CDC42BPB: variants seen among roughly 807,000 people sequenced by gnomAD.
CDC42BPB encodes the protein CDC42 binding protein kinase beta, also known as serine/threonine-protein kinase MRCK beta.
Under a neutral mutation model 214.9 loss-of-function variants are expected in CDC42BPB, and 37 were observed. The ratio of observed to expected loss-of-function variants is 0.17; its 90% CI spans 0.13 to 0.23. The LOEUF is 0.23. Among genes scored for constraint, CDC42BPB ranks in the 10% least tolerant of loss-of-function variants. The pLI is 1.00. For missense variants in CDC42BPB, 1,694 were observed against 2,227.0 expected (o/e 0.76, Z 4.82); for synonymous variants, 931 against 884.0 (o/e 1.05, Z -0.94).
intron 11 of CDC42BPB, 132 bp from the exon 12 acceptor site, chr14:102,974,281 TACACACACACACACACACACACACACAC>T: frequency 7.6e-7 from 1 of 1,315,120 alleles, no homozygotes; most frequent in Middle Eastern, 2.9e-4. Flanking sequence ...TTTTTTTACT[TACACACACACACACACACACACACACAC>T]ACACACACAC....
chr14:102,932,625 T>A lies in CDC42BPB; in HGVS notation c.*1087A>T, dbSNP rs1029405626. 6.6e-6 allele frequency: 1 copy of A among 151,546 alleles called. No homozygotes were observed. Among genetic ancestry groups the A allele is most frequent in the South Asian group, 2.1e-4 (1 of 4,756 alleles). 9.4% of individuals were successfully genotyped at this position (151,546 alleles called of 1,614,324 possible). On this transcript the variant is annotated 3_prime_UTR_variant, in exon 37 of 37. Coordinates refer to ENST00000361246, the MANE Select transcript of CDC42BPB (RefSeq NM_006035.4). ...ACAGCCTTGCCAAGCAGCCGACCGGTGGGAGGACAGGGGAAGCCTGGCCCA... is the reference window on the plus strand; with the variant it reads ...ACAGCCTTGCCAAGCAGCCGACCGGAGGGAGGACAGGGGAAGCCTGGCCCA...
intron 5 of CDC42BPB, among the ~76,000 whole-genome samples, chr14:102,998,496 T>C (rs1894840172): frequency 6.6e-6 from 1 of 152,192 alleles, no homozygotes. Flanking sequence ...CAAGTAAAAC[T>C]AGTTTTTAAA....
Position 102,959,638 on chromosome 14 carries a change from G to A in CDC42BPB, c.2894C>T (p.Thr965Ile). ...AAAAAAACAATGACTTACTCTAAAT[G>A]TCAGGTCATGTGCAAGAGGAGCAGT... ...FNTAPLAHDL[T>I]FRTSSASEQE... The change falls in exon 21 of 37, where the codon ACA becomes ATA. Residue 965 changes from threonine (T) to isoleucine (I), a missense_variant. Thr to Ile is a moderately conservative substitution (Grantham distance 89). Transcript: ENST00000361246. 1.3e-6 allele frequency: 2 copies of A among 1,596,454 alleles called. No homozygotes were observed. The highest frequency in any genetic ancestry group is 1.7e-6 in the Non-Finnish European group (2 of 1,168,288).
chr14:102,999,827 C>A, intron 4 of CDC42BPB, 114 bp from the exon 5 acceptor site: 1 of 1,504,116 alleles, frequency 6.6e-7, no homozygotes, highest in Non-Finnish European at 8.9e-7. Flanking sequence ...TGGCTCGTGG[C>A]ATCTCAGCTG....
intron 1 of CDC42BPB, among the ~76,000 whole-genome samples, chr14:103,043,324 G>C (rs1167689752): frequency 6.6e-6 from 1 of 152,116 alleles, no homozygotes; most frequent in Non-Finnish European, 1.5e-5. Flanking sequence ...CAAAATGAGA[G>C]CTGTCCACAC....
At position 102,952,478 on chromosome 14, in the gene CDC42BPB, G is replaced by A. The variant is rs973366806; in HGVS notation, c.3172+20C>T. 1.3e-6 allele frequency: 2 copies of A among 1,539,158 alleles called. No individual in the cohort carries two copies. The highest frequency in any genetic ancestry group is 1.8e-6 in the Non-Finnish European group (2 of 1,116,040). On this transcript the variant is annotated intron_variant, in intron 24 of 36. Coordinates refer to ENST00000361246, the MANE Select transcript of CDC42BPB (RefSeq NM_006035.4). ...TGTGGGGCTGTGCACGCTGACCCCAGGAGCTGCAACGACACTCACCCTCGC... is the reference window on the plus strand; with the variant it reads ...TGTGGGGCTGTGCACGCTGACCCCAAGAGCTGCAACGACACTCACCCTCGC...
rs908218687 is a variant in CDC42BPB at position 102,943,780 on chromosome 14, G to A, written c.4408+111C>T. 1.1e-6 allele frequency: 1 copy of A among 949,524 alleles called. No individual in the cohort carries two copies. Among genetic ancestry groups the A allele is most frequent in the Non-Finnish European group, 1.6e-6 (1 of 636,164 alleles). The allele number at this position is 949,524 out of a possible 1,614,324, so 58.8% of individuals were successfully genotyped here. ...TGGGGCCCACCTCTCCCGATGCTCT[G>A]TGACTACTCAACTAAGGGACTGGAA... On this transcript the variant is annotated intron_variant, in intron 30 of 36. Transcript: ENST00000361246. This position sits in a 1 kb window ranked among gnomAD's most constrained non-coding sequence, Gnocchi z 4.6.
intron 1 of CDC42BPB, among the ~76,000 whole-genome samples, chr14:103,013,325 G>C (rs1289617397): frequency 3.0e-4 from 45 of 152,194 alleles, no homozygotes; most frequent in Admixed American, 2.9e-3. Flanking sequence ...TGTGGCGTCT[G>C]TAACAGTAAT....
At chr14:102,986,248 A>G in intron 6 of CDC42BPB, 1 of 420,034 alleles carries the variant, frequency 2.4e-6, no homozygotes, top group South Asian at 2.5e-5. Flanking sequence ...GACAACTCCC[A>G]TTCTGGAAGG....
At chr14:102,949,600 G>A (rs1297530544) in intron 26 of CDC42BPB, among the ~76,000 whole-genome samples, 165 bp downstream of exon 26, 4 of 152,156 alleles carry the variant, frequency 2.6e-5, no homozygotes, top group African/African-American at 4.8e-5. Flanking sequence ...ACGCATGTGA[G>A]CGCCTGAAGT....
At chr14:102,962,001 G>C (rs992166836) in intron 20 of CDC42BPB, among the ~76,000 whole-genome samples, 2 of 152,082 alleles carry the variant, frequency 1.3e-5, no homozygotes, top group African/African-American at 4.8e-5. Context: ...TTTTAAAAGC[G>C]GGCAAACAAT....
rs115994208 is a variant in CDC42BPB, at chr14:102,957,646, T to C, written c.2901+1985A>G. Among the ~76,000 whole-genome samples the C allele has an allele frequency of 3.0e-3, 458 of 152,276 alleles. 1 individual carries two copies. Among genetic ancestry groups the C allele is most frequent in the African/African-American group, 0.011 (441 of 41,546 alleles). ...GCCAGTTTGATAAAACAAACAAACATTTTGACAGGTGAAGGTGAACAGGTG... is the reference window on the plus strand; with the variant it reads ...GCCAGTTTGATAAAACAAACAAACACTTTGACAGGTGAAGGTGAACAGGTG... On this transcript the variant is annotated intron_variant, in intron 21 of 36. Transcript: ENST00000361246.
At chr14:102,975,833 A>G (rs1423084358) in intron 10 of CDC42BPB, 30 bp from the exon 11 acceptor site, 2 of 1,613,976 alleles carry the variant, frequency 1.2e-6, no homozygotes, top group South Asian at 1.1e-5. Context: ...CGTGAGGTGC[A>G]GCCTGGCCGC....
In CDC42BPB at chr14:102,987,095, G is replaced by A. The variant is rs77794157; in HGVS notation, c.597-515C>T. On this transcript the variant is annotated intron_variant, in intron 5 of 36. Coordinates refer to ENST00000361246, the MANE Select transcript of CDC42BPB (RefSeq NM_006035.4). ...GCTGGGGGCTGCCACACAAAGAGAC[G>A]GCAGTGGCCAGACGAGGTCCAGGAG... is the stretch of plus-strand genomic sequence containing the variant. 3.8e-3 allele frequency among the ~76,000 whole-genome samples: 572 copies of A among 152,346 alleles called. 1 individual carries two copies. The highest frequency in any genetic ancestry group is 0.013 in the African/African-American group (542 of 41,574).
chr14:102,967,019 C>T (rs199842467), intron 17 of CDC42BPB, 27 bp downstream of exon 17: 139 of 1,607,426 alleles, frequency 8.6e-5, no homozygotes, highest in Non-Finnish European at 7.1e-5. Flanking sequence ...AGCGGATTCA[C>T]GGCCGCTAAT....
At chr14:103,013,884 G>A (rs1886301149) in intron 1 of CDC42BPB, among the ~76,000 whole-genome samples, 3 of 152,176 alleles carry the variant, frequency 2.0e-5, no homozygotes, top group African/African-American at 7.2e-5. Context: ...AGCTCCTAGA[G>A]GCCAGGCGCA....
intron 1 of CDC42BPB, among the ~76,000 whole-genome samples, chr14:103,015,705 AAAG>A (rs1380313457): frequency 1.3e-5 from 2 of 152,098 alleles, no homozygotes; most frequent in African/African-American, 2.4e-5. Flanking sequence ...TCAGGAAATT[AAAG>A]AAGAGGCTGG....
intron 8 of CDC42BPB, among the ~76,000 whole-genome samples, chr14:102,978,537 T>C (rs1893858287): frequency 6.6e-6 from 1 of 152,084 alleles, no homozygotes; most frequent in Non-Finnish European, 1.5e-5. Context: ...GTGTGCAGAG[T>C]CCAACAGTGT....
At chr14:103,018,725 T>C (rs1886606656) in intron 1 of CDC42BPB, among the ~76,000 whole-genome samples, 1 of 152,208 alleles carries the variant, frequency 6.6e-6, no homozygotes, top group Non-Finnish European at 1.5e-5. Flanking sequence ...ATCACGTAGT[T>C]AGTGCTACAG....
Sources: gnomAD v4.1 joint callset for allele counts (sites outside exome capture counted in the v4.1 genomes callset) on GRCh38, gnomAD v4.1.1 for gene constraint, Gnocchi (gnomAD v3.1) non-coding constraint, MANE v1.5 for transcripts, NCBI Gene and HGNC (gene_info 2026-07-23, HGNC 2026-07-21) for gene names.